Variants in PKP4 observed in about 807,000 individuals in gnomAD.
PKP4 encodes the protein plakophilin 4, also known as plakophilin-4.
A neutral mutation model predicts 145.1 loss-of-function variants in PKP4; 90 were observed. The ratio of observed to expected loss-of-function variants is 0.62; its 90% confidence interval spans 0.52 to 0.74. The LOEUF is 0.74. PKP4 is among the 30% of genes least tolerant of loss of function. PKP4 has a pLI of 0.00. For synonymous variants in PKP4, 563 were observed against 577.2 expected (o/e 0.98, Z 0.35); for missense variants, 1,340 against 1,482.7 (o/e 0.90, Z 1.58).
intron 1 of PKP4, among the ~76,000 whole-genome samples, chr2:158,473,055 A>G (rs560836613): frequency 6.6e-6 from 1 of 152,372 alleles, no homozygotes; most frequent in East Asian, 1.9e-4. Context: ...GCACGTAAAA[A>G]AAAGCTCAGT....
Position 158,625,282 on chromosome 2 carries a change from G to C in PKP4, c.1008G>C (p.Ser336=). The change falls in exon 7 of 22, where the codon TCG becomes TCC. Residue 336 remains serine (S), a synonymous_variant. Transcript: ENST00000389759. The part of the protein sequence containing the change: ...ASPSQGQVGS[S]SPKRSGMTAV... ...CATCCCAAGGCCAGGTGGGGTCGTC[G>C]TCCCCCAAACGCTCAGGGATGACCG... 1 of 1,614,126 alleles carries C rather than the reference G, an allele frequency of 6.2e-7. No individual in the cohort carries two copies. Among genetic ancestry groups the C allele is most frequent in the Non-Finnish European group, 8.5e-7 (1 of 1,180,012 alleles).
At chr2:158,546,886 AAGT>A (rs1259148026) in intron 2 of PKP4, among the ~76,000 whole-genome samples, 2 of 152,158 alleles carry the variant, frequency 1.3e-5, no homozygotes, top group Admixed American at 1.3e-4. Context: ...GTAAGATAAG[AAGT>A]AGAAGGTACA....
intron 1 of PKP4, among the ~76,000 whole-genome samples, chr2:158,478,086 T>C (rs1488895490): frequency 6.6e-6 from 1 of 152,158 alleles, no homozygotes; most frequent in Non-Finnish European, 1.5e-5. Flanking sequence ...AGATCTTAAA[T>C]TTGCAGTTTT....
At chr2:158,559,364 C>G (rs899733162) in intron 2 of PKP4, among the ~76,000 whole-genome samples, 1 of 151,686 alleles carries the variant, frequency 6.6e-6, no homozygotes. Flanking sequence ...CAAAGGGACC[C>G]AGTCTTCTAA....
At chr2:158,506,782 C>T (rs575101019) in intron 1 of PKP4, among the ~76,000 whole-genome samples, 12 of 152,226 alleles carry the variant, frequency 7.9e-5, no homozygotes, top group African/African-American at 1.4e-4. Context: ...AGAATATGAA[C>T]GGATTGTTGG....
At chr2:158,589,023 G>A (rs1431679781) in intron 3 of PKP4, 1 of 152,128 alleles carries the variant, frequency 6.6e-6, no homozygotes, top group African/African-American at 2.4e-5. Context: ...GTTTTGTGAA[G>A]AATGCTGTTG....
Position 158,533,246 on chromosome 2 carries a change from C to G in PKP4, c.62C>G (p.Ala21Gly). Residue 21 changes from alanine to glycine, a missense_variant, in exon 2 of 22, where the codon GCT becomes GGT. Coordinates refer to ENST00000389759, the MANE Select transcript of PKP4 (RefSeq NM_003628.6). ...EEGQPQTRQE[A>G]ASTGPGMEPE... ...GGGCAACCACAGACCCGCCAGGAAG[C>G]TGCCTCCACTGGCCCAGGCATGGAA... 6.2e-7 allele frequency: 1 copy of G among 1,614,040 alleles called. No homozygotes were observed. Among genetic ancestry groups the G allele is most frequent in the South Asian group, 1.1e-5 (1 of 91,074 alleles).
chr2:158,538,534 C>CTTTTTTTTTTTTTT (rs11346852), intron 2 of PKP4, among the ~76,000 whole-genome samples: 2 of 110,062 alleles, frequency 1.8e-5, no homozygotes, highest in African/African-American at 3.4e-5. Flanking sequence ...TCTCTAACCA[C>CTTTTTTTTTTTTTT]TTTTTTTTTT....
intron 19 of PKP4, 77 bp from the exon 20 acceptor site, chr2:158,676,662 G>T: frequency 6.5e-7 from 1 of 1,536,190 alleles, no homozygotes. Flanking sequence ...TGTGTTTCTG[G>T]AGAGGATTTT....
At chr2:158,457,821 C>G (rs1035779251) in intron 1 of PKP4, 1 of 153,432 alleles carries the variant, frequency 6.5e-6, no homozygotes, top group Non-Finnish European at 1.4e-5. Context: ...GTGCGCCCCT[C>G]TCTACCGGCC....
intron 1 of PKP4, among the ~76,000 whole-genome samples, chr2:158,495,140 C>T (rs912129865): frequency 6.6e-6 from 1 of 151,910 alleles, no homozygotes; most frequent in African/African-American, 2.4e-5. Context: ...ATCACTTGAA[C>T]CCAGGAGGCG....
intron 12 of PKP4, chr2:158,658,598 AT>A: frequency 3.5e-6 from 1 of 289,532 alleles, no homozygotes; most frequent in Non-Finnish European, 6.3e-6. Context: ...CTTTAACAGC[AT>A]TTTTCTGGTA....
chr2:158,536,902 C>T (rs1451022116), intron 2 of PKP4, among the ~76,000 whole-genome samples: 1 of 152,164 alleles, frequency 6.6e-6, no homozygotes, highest in Non-Finnish European at 1.5e-5. Flanking sequence ...TGCCATGACT[C>T]TTAATAGTAT....
intron 11 of PKP4, 53 bp downstream of exon 11, chr2:158,642,752 C>T: frequency 5.0e-6 from 7 of 1,387,928 alleles, no homozygotes; most frequent in Non-Finnish European, 7.0e-6. Context: ...ACAGTCTGGA[C>T]TGTGCCCTTG....
At chr2:158,481,979 T>C (rs1693426550) in intron 1 of PKP4, among the ~76,000 whole-genome samples, 1 of 152,274 alleles carries the variant, frequency 6.6e-6, no homozygotes, top group Non-Finnish European at 1.5e-5. Context: ...GATATTTTAC[T>C]GTATTCTACT....
At chr2:158,637,416 A>G (rs1444613871) in intron 9 of PKP4, among the ~76,000 whole-genome samples, 3 of 152,116 alleles carry the variant, frequency 2.0e-5, no homozygotes, top group Non-Finnish European at 4.4e-5. Flanking sequence ...TCAGGGTACA[A>G]CTAAGGACTT....
Position 158,668,402 on chromosome 2 carries a change from T to G in PKP4, c.2729-1318T>G, listed in dbSNP as rs183635391. Among the ~76,000 whole-genome samples, 515 of 152,316 alleles carry G rather than the reference T, an allele frequency of 3.4e-3. 3 individuals are homozygous for G. Among genetic ancestry groups the G allele is most frequent in the Middle Eastern group, 0.02 (6 of 294 alleles). On this transcript the variant is annotated intron_variant, in intron 16 of 21. Transcript: ENST00000389759. Reference sequence around the variant, plus strand: ...AAAGGACTTTCTTTTCAGAGCCATTTTTCACAAAGAAGCAAAGTTTTATCA... The same window carrying G: ...AAAGGACTTTCTTTTCAGAGCCATTGTTCACAAAGAAGCAAAGTTTTATCA...
At chr2:158,673,810 C>A in intron 18 of PKP4, 49 bp downstream of exon 18, 1 of 1,453,380 alleles carries the variant, frequency 6.9e-7, no homozygotes, top group Non-Finnish European at 9.7e-7. Context: ...TCAGAGCACA[C>A]ACTCATAATC....
chr2:158,615,266 T>G (rs1488499920), intron 4 of PKP4, among the ~76,000 whole-genome samples: 2 of 152,076 alleles, frequency 1.3e-5, no homozygotes, highest in Non-Finnish European at 2.9e-5. Flanking sequence ...GATCACTTAA[T>G]TGTATTTTCC....
Sources: gnomAD v4.1 joint callset for allele counts (sites outside exome capture counted in the v4.1 genomes callset) on GRCh38, gnomAD v4.1.1 for gene constraint, MANE v1.5 for transcripts, NCBI Gene and HGNC (gene_info 2026-07-23, HGNC 2026-07-21) for gene names.